LINGO2: variants seen among roughly 807,000 people sequenced by gnomAD.
LINGO2 encodes leucine-rich repeat and immunoglobulin-like domain-containing nogo receptor-interacting protein 2.
LINGO2 carries 14 observed loss-of-function variants against 30.6 expected under a neutral mutation model. That is an observed-to-expected ratio of 0.46 (90% CI 0.30 to 0.72). LINGO2 has a LOEUF of 0.72. Ranked by LOEUF, LINGO2 falls within the 30% of genes least tolerant of loss-of-function variation. The probability of loss-of-function intolerance (pLI) is 0.07; values close to 1 mark genes in which losing one functional copy is unlikely to be tolerated. For missense variants in LINGO2, 729 were observed against 751.7 expected (o/e 0.97, Z 0.35); for synonymous variants, 317 against 288.5 (o/e 1.10, Z -1.00).
rs547865227 is a variant in LINGO2, at chr9:28,081,407, T to C, written c.-86-69002A>G. Among the ~76,000 whole-genome samples, 3 of 151,730 alleles carry C rather than the reference T, an allele frequency of 2.0e-5. No individual in the cohort carries two copies. In the South Asian group the frequency reaches 6.2e-4, roughly 32 times the overall value. On this transcript the variant is annotated intron_variant, in intron 4 of 5. Transcript: ENST00000379992. ...CACTTAACAATCCTCAAGCAGGAAA[T>C]AAAAGAGGGAAAAAAGTGCCTAAAT...
the LINGO2 span, among the ~76,000 whole-genome samples, chr9:28,703,249 T>C: frequency 6.6e-6 from 1 of 151,912 alleles, no homozygotes; most frequent in Non-Finnish European, 1.5e-5. Context: ...CTAAACTATA[T>C]TTGAAATGCT....
intron 3 of LINGO2, among the ~76,000 whole-genome samples, chr9:28,298,150 A>ATGAGATATGTTATTAATGAG (rs1465379289): frequency 6.6e-6 from 1 of 152,180 alleles, no homozygotes; most frequent in Admixed American, 6.5e-5. Flanking sequence ...ATCTCTCTCC[A>ATGAGATATGTTATTAATGAG]AATATGTTAT....
intron 5 of LINGO2, among the ~76,000 whole-genome samples, chr9:27,973,968 C>T (rs978544846): frequency 6.6e-6 from 1 of 152,098 alleles, no homozygotes; most frequent in African/African-American, 2.4e-5. Context: ...TTAACTCCAC[C>T]CTTTTCTCTT....
intron 3 of LINGO2, among the ~76,000 whole-genome samples, chr9:28,335,546 C>T (rs1027787490): frequency 6.6e-6 from 1 of 152,132 alleles, no homozygotes; most frequent in Non-Finnish European, 1.5e-5. Context: ...GATTTGTGCA[C>T]ATTGCTCTGG....
the LINGO2 span, among the ~76,000 whole-genome samples, chr9:29,040,466 T>C: frequency 6.6e-6 from 1 of 151,982 alleles, no homozygotes; most frequent in South Asian, 2.1e-4. Flanking sequence ...TAGTATACTA[T>C]TTTTACATAT....
chr9:28,382,266 A>C (rs947845267), intron 2 of LINGO2, among the ~76,000 whole-genome samples: 2 of 152,162 alleles, frequency 1.3e-5, no homozygotes, highest in Non-Finnish European at 2.9e-5. Flanking sequence ...TATTTATGAC[A>C]TTCAAAATAT....
chr9:28,481,924 T>A (rs1038276683), intron 1 of LINGO2, among the ~76,000 whole-genome samples: 5 of 152,190 alleles, frequency 3.3e-5, no homozygotes, highest in Non-Finnish European at 7.3e-5. Context: ...ATTTCCAATT[T>A]CATCCATGTC....
At chr9:28,755,446 GA>G in the LINGO2 span, among the ~76,000 whole-genome samples, 3 of 152,032 alleles carry the variant, frequency 2.0e-5, no homozygotes, top group Non-Finnish European at 4.4e-5. Context: ...TAAATTAAAA[GA>G]AACAAAATGT....
intron 1 of LINGO2, among the ~76,000 whole-genome samples, chr9:28,510,467 G>T (rs1820328014): frequency 6.6e-6 from 1 of 152,038 alleles, no homozygotes; most frequent in East Asian, 1.9e-4. Flanking sequence ...GATGATAAAG[G>T]TCTTCATCTT....
At chr9:28,387,049 G>C (rs1230592937) in intron 2 of LINGO2, among the ~76,000 whole-genome samples, 1 of 152,154 alleles carries the variant, frequency 6.6e-6, no homozygotes, top group African/African-American at 2.4e-5. Flanking sequence ...TGGACTTCCT[G>C]GGTTGAGTGG....
chr9:28,724,307 G>A, the LINGO2 span, among the ~76,000 whole-genome samples: 6 of 152,198 alleles, frequency 3.9e-5, no homozygotes, highest in South Asian at 8.3e-4. Flanking sequence ...CTGCTTTTGC[G>A]GATAAGGAAG....
chr9:28,306,703 G>T (rs1178634637), intron 3 of LINGO2, among the ~76,000 whole-genome samples: 1 of 152,126 alleles, frequency 6.6e-6, no homozygotes, highest in Admixed American at 6.6e-5. Flanking sequence ...AAGAAGAAAA[G>T]AGAGAAGAAT....
At chr9:28,188,377 C>G (rs1819618944) in intron 4 of LINGO2, among the ~76,000 whole-genome samples, 1 of 152,098 alleles carries the variant, frequency 6.6e-6, no homozygotes, top group Admixed American at 6.6e-5. Flanking sequence ...CTGACTTGCA[C>G]ATTTATAAAT....
chr9:28,719,198 G>T, the LINGO2 span, among the ~76,000 whole-genome samples: 1 of 151,932 alleles, frequency 6.6e-6, no homozygotes, highest in Non-Finnish European at 1.5e-5. Flanking sequence ...CCTCTCATTT[G>T]AGAGCACACT....
intron 1 of LINGO2, among the ~76,000 whole-genome samples, chr9:28,494,697 A>T (rs999026213): frequency 4.6e-5 from 7 of 152,074 alleles, no homozygotes; most frequent in African/African-American, 1.7e-4. Flanking sequence ...TGTGTCTTTA[A>T]AGCAGCATGA....
At chr9:28,743,217 GATAT>G in the LINGO2 span, among the ~76,000 whole-genome samples, 3 of 151,582 alleles carry the variant, frequency 2.0e-5, no homozygotes, top group African/African-American at 7.3e-5. Context: ...TAAATTCTGA[GATAT>G]ATATGCAGAT....
chr9:27,954,658 C>T (rs936211705), intron 5 of LINGO2, among the ~76,000 whole-genome samples: 9 of 152,094 alleles, frequency 5.9e-5, no homozygotes, highest in African/African-American at 1.7e-4. Context: ...TAAACATGGG[C>T]ATACAGATAT....
intron 3 of LINGO2, among the ~76,000 whole-genome samples, chr9:28,314,011 G>T (rs995789951): frequency 6.6e-6 from 1 of 151,928 alleles, no homozygotes; most frequent in Admixed American, 6.6e-5. Flanking sequence ...TTGGCTCACT[G>T]CAGGCTCCAC....
chr9:28,211,884 T>C (rs1250515246), intron 4 of LINGO2, among the ~76,000 whole-genome samples: 1 of 151,372 alleles, frequency 6.6e-6, no homozygotes, highest in Non-Finnish European at 1.5e-5. Flanking sequence ...CTTGCTCTAT[T>C]TTAAAGGTCC....
Sources: gnomAD v4.1 joint callset for allele counts (sites outside exome capture counted in the v4.1 genomes callset) on GRCh38, gnomAD v4.1.1 for gene constraint, MANE v1.5 for transcripts, NCBI Gene and HGNC (gene_info 2026-07-23, HGNC 2026-07-21) for gene names.